SRSF9: variants seen among roughly 807,000 people sequenced by gnomAD.
SRSF9 encodes the protein serine and arginine rich splicing factor 9.
Under a neutral mutation model 25.9 loss-of-function variants are expected in SRSF9, and 3 were observed. The ratio of observed to expected loss-of-function variants is 0.12; its 90% confidence interval spans 0.05 to 0.30. The LOEUF (loss-of-function observed/expected upper bound fraction) is 0.30, where lower values mean the gene tolerates loss of function less well. SRSF9 is among the 10% of genes least tolerant of loss of function. The probability of loss-of-function intolerance (pLI) is 1.00; values close to 1 mark genes in which losing one functional copy is unlikely to be tolerated. For synonymous variants in SRSF9, 114 were observed against 113.2 expected (o/e 1.01, Z -0.05); for missense variants, 161 against 303.5 (o/e 0.53, Z 3.49).
intron 3 of SRSF9, 129 bp from the exon 4 acceptor site, chr12:120,462,291 G>A (rs1878367941): frequency 1.0e-6 from 1 of 960,052 alleles, no homozygotes; most frequent in Non-Finnish European, 1.5e-6. Context: ...CTGGCATGAG[G>A]CTATCTCATT....
In SRSF9 at chr12:120,464,125, AGGCAT is replaced by A; in HGVS notation, c.350-8_350-4del. On this transcript the variant is annotated splice_region_variant and splice_polypyrimidine_tract_variant and intron_variant, in intron 2 of 3. Transcript: ENST00000229390. ...CCAGCTGCCTGACGGAGGAAGTCCTAGGCATGGAGAACATAAGAAAGCCCACATCC... is the reference window on the plus strand; with the variant it reads ...CCAGCTGCCTGACGGAGGAAGTCCTAGGAGAACATAAGAAAGCCCACATCC... 6.2e-7 allele frequency: 1 copy of A among 1,610,230 alleles called. No homozygotes were observed. Among genetic ancestry groups the A allele is most frequent in the Non-Finnish European group, 8.5e-7 (1 of 1,178,182 alleles).
At chr12:120,462,298 C>G (rs1878368018) in intron 3 of SRSF9, 136 bp from the exon 4 acceptor site, 1 of 867,058 alleles carries the variant, frequency 1.2e-6, no homozygotes. Flanking sequence ...GAGGCTATCT[C>G]ATTAAACCTT....
intron 2 of SRSF9, chr12:120,464,357 C>G: frequency 2.4e-6 from 1 of 425,102 alleles, no homozygotes; most frequent in Non-Finnish European, 4.2e-6. Context: ...GCCTTTTCAA[C>G]AGAGCAAGAA....
intron 1 of SRSF9, among the ~76,000 whole-genome samples, chr12:120,466,843 C>CT (rs1489099522): frequency 6.6e-6 from 1 of 152,190 alleles, no homozygotes; most frequent in South Asian, 2.1e-4. Flanking sequence ...CCTTGGAACT[C>CT]TAAGTGTACC....
intron 3 of SRSF9, 126 bp from the exon 4 acceptor site, chr12:120,462,288 G>T: frequency 1.0e-6 from 1 of 994,096 alleles, no homozygotes; most frequent in Non-Finnish European, 1.4e-6. Context: ...TGCCTGGCAT[G>T]AGGCTATCTC....
intron 1 of SRSF9, among the ~76,000 whole-genome samples, chr12:120,467,828 C>G (rs903681919): frequency 6.7e-6 from 1 of 148,736 alleles, no homozygotes; most frequent in African/African-American, 2.5e-5. Context: ...GGCGTGGTGG[C>G]TCAGGCCTGT....
In SRSF9 at chr12:120,469,422, C is replaced by CG; in HGVS notation, c.187dup (p.Arg63ProfsTer14). 1 of 1,577,572 alleles carries CG rather than the reference C, an allele frequency of 6.3e-7. No individual in the cohort carries two copies. The highest frequency in any genetic ancestry group is 8.6e-7 in the Non-Finnish European group (1 of 1,163,036). On this transcript the variant is annotated frameshift_variant and splice_region_variant, in exon 1 of 4. Coordinates refer to ENST00000229390, the MANE Select transcript of SRSF9 (RefSeq NM_003769.3). LOFTEE classifies it high-confidence loss of function. ...GAGGGCAGGGGCGCGGGGGCCTCAC[C>CG]GGGGGTCCTCGAAGCGCACGAAGGC... is the stretch of plus-strand genomic sequence containing the variant.
chr12:120,462,186 A>C, intron 3 of SRSF9, 24 bp from the exon 4 acceptor site: 1 of 1,592,148 alleles, frequency 6.3e-7, no homozygotes, highest in Non-Finnish European at 8.6e-7. Flanking sequence ...AAAAACAAAA[A>C]GAGTAAAGGG....
chr12:120,465,244 ATCT>A (rs113401649), intron 2 of SRSF9: 12,508 of 160,366 alleles, frequency 0.078, 556 homozygotes, highest in South Asian at 0.1. Context: ...ACAAAATCTG[ATCT>A]TCTTCAGGAT....
At chr12:120,464,371 C>T in intron 2 of SRSF9, 1 of 384,302 alleles carries the variant, frequency 2.6e-6, no homozygotes, top group African/African-American at 2.0e-5. Flanking sequence ...GCAAGAAGTC[C>T]ATCCCATTAC....
chr12:120,463,754 C>A lies in SRSF9; in HGVS notation c.522+196G>T, dbSNP rs566814907. On this transcript the variant is annotated intron_variant, in intron 3 of 3. Transcript: ENST00000229390. Reference sequence around the variant, plus strand: ...TAAAGCATATTAAAAAACAAACGTACCATGAATGCATACTTCTTTCAGCTA... The same window carrying A: ...TAAAGCATATTAAAAAACAAACGTAACATGAATGCATACTTCTTTCAGCTA... 4 of 557,092 alleles carry A rather than the reference C, an allele frequency of 7.2e-6. No individual in the cohort carries two copies. In the South Asian group the frequency reaches 1.3e-4, roughly 18 times the overall value. 34.5% of individuals were successfully genotyped at this position (557,092 alleles called of 1,614,324 possible).
chr12:120,469,604 C>G lies in SRSF9; in HGVS notation c.6G>C (p.Ser2=), dbSNP rs542545418. The change falls in exon 1 of 4, where the codon TCG becomes TCC. Residue 2 remains serine, a synonymous_variant. Transcript: ENST00000229390. The part of the protein sequence containing the change: M[S]GWADERGGEG... ...CGCCGCCGCGCTCGTCCGCCCAGCC[C>G]GACATCCGCACCGCCCGACGCCGCG... 2.7e-6 allele frequency: 4 copies of G among 1,496,334 alleles called. No homozygotes were observed. The highest frequency in any genetic ancestry group is 1.3e-5 in the South Asian group (1 of 79,106). The allele number at this position is 1,496,334 out of a possible 1,614,324, so 92.7% of individuals were successfully genotyped here.
chr12:120,467,708 T>C (rs1878512168), intron 1 of SRSF9, among the ~76,000 whole-genome samples: 2 of 151,910 alleles, frequency 1.3e-5, no homozygotes, highest in African/African-American at 4.8e-5. Flanking sequence ...CACCAAAAGA[T>C]AGTTTTTCTA....
intron 3 of SRSF9, chr12:120,463,188 G>A (rs979980998): frequency 5.9e-5 from 9 of 152,154 alleles, no homozygotes; most frequent in Admixed American, 5.2e-4. Context: ...CAATCAAACT[G>A]AGATCCAAAA....
rs1878422547 is a variant in SRSF9 at position 120,463,846 on chromosome 12, T to C, written c.522+104A>G. 3.0e-6 allele frequency: 4 copies of C among 1,320,700 alleles called. No homozygotes were observed. In the South Asian group the frequency reaches 5.8e-5, roughly 19 times the overall value. The allele number at this position is 1,320,700 out of a possible 1,614,324, so 81.8% of individuals were successfully genotyped here. On this transcript the variant is annotated intron_variant, in intron 3 of 3. Transcript: ENST00000229390. ...TCCACCTAAGATAGATCTCTTATGG[T>C]ACTGTGAGGTTACCAAATGGCATGG...
Position 120,465,799 on chromosome 12 carries a change from A to C in SRSF9, c.189-12T>G, listed in dbSNP as rs900287726. The C allele has an allele frequency of 5.1e-6, 8 of 1,567,712 alleles. No individual in the cohort carries two copies. The African/African-American group carries it at 1.1e-4, about 22-fold the overall frequency. On this transcript the variant is annotated splice_polypyrimidine_tract_variant and intron_variant, in intron 1 of 3. Transcript: ENST00000229390. ...CATCCTCTGCATCTCTAAAAAAAAC[A>C]ACAACAACAAAAAAAACGTTTGGAG... is the stretch of plus-strand genomic sequence containing the variant.
chr12:120,463,932 C>A lies in SRSF9; in HGVS notation c.522+18G>T, dbSNP rs750732977. On this transcript the variant is annotated intron_variant, in intron 3 of 3. Transcript: ENST00000229390. ...AGTGATTTGAGTACAAGCTCCTCAA[C>A]AGAAGGCAAGGACCCACCTCATGAG... is the stretch of plus-strand genomic sequence containing the variant. The A allele has an allele frequency of 5.0e-6, 8 of 1,588,766 alleles. No individual in the cohort carries two copies. Among genetic ancestry groups the A allele is most frequent in the Non-Finnish European group, 6.0e-6 (7 of 1,168,264 alleles).
At chr12:120,469,130 C>G (rs1261533682) in intron 1 of SRSF9, among the ~76,000 whole-genome samples, 1 of 152,168 alleles carries the variant, frequency 6.6e-6, no homozygotes, top group African/African-American at 2.4e-5. Flanking sequence ...CTCATTTGGA[C>G]CCCCCGAGGC....
At chr12:120,465,524 C>G (rs890956400) in intron 2 of SRSF9, 103 bp downstream of exon 2, 17 of 1,291,446 alleles carry the variant, frequency 1.3e-5, no homozygotes, top group Admixed American at 3.7e-5. Context: ...AGAAAGCCCC[C>G]GTGTCCCATG....
Sources: allele counts gnomAD v4.1 joint callset (sites outside exome capture counted in the v4.1 genomes callset), GRCh38; gene constraint gnomAD v4.1.1; transcripts MANE v1.5; gene names NCBI Gene and HGNC (gene_info 2026-07-23, HGNC 2026-07-21).